KHDRBS2: variants seen among roughly 807,000 people sequenced by gnomAD.
The protein encoded by KHDRBS2 is KH RNA binding domain containing, signal transduction associated 2.
KHDRBS2 carries 26 observed loss-of-function variants against 44.3 expected under a neutral mutation model. The ratio of observed to expected loss-of-function variants is 0.59; its 90% CI spans 0.43 to 0.81. The LOEUF (loss-of-function observed/expected upper bound fraction) is 0.81. Among genes scored for constraint, KHDRBS2 ranks in the 40% least tolerant of loss-of-function variants. The pLI is 0.00. For missense variants in KHDRBS2, 476 were observed against 433.1 expected (o/e 1.10, Z -0.88); for synonymous variants, 194 against 151.1 (o/e 1.28, Z -2.08).
chr6:62,269,222 C>T (rs930240994), intron 1 of KHDRBS2, among the ~76,000 whole-genome samples: 1 of 151,806 alleles, frequency 6.6e-6, no homozygotes, highest in African/African-American at 2.4e-5. Flanking sequence ...ACACATAGGA[C>T]TAAGTATGAA....
chr6:61,781,199 ATTATATTAATCAT>A (rs1554205135), intron 6 of KHDRBS2, among the ~76,000 whole-genome samples: 1 of 152,114 alleles, frequency 6.6e-6, no homozygotes, highest in Non-Finnish European at 1.5e-5. Context: ...AAATGCCACA[ATTATATTAATCAT>A]TTTAAGACAG....
At chr6:61,716,271 AT>A (rs763596150) in intron 7 of KHDRBS2, among the ~76,000 whole-genome samples, 1 of 151,960 alleles carries the variant, frequency 6.6e-6, no homozygotes, top group African/African-American at 2.4e-5. Context: ...GCTATATATA[AT>A]ATGAGAAGAA....
At chr6:61,965,272 C>G (rs1351990271) in intron 4 of KHDRBS2, among the ~76,000 whole-genome samples, 1 of 151,972 alleles carries the variant, frequency 6.6e-6, no homozygotes, top group Non-Finnish European at 1.5e-5. Flanking sequence ...CTTTATGGGT[C>G]TGGAAGCTTC....
chr6:62,269,608 C>T (rs1839755588), intron 1 of KHDRBS2, among the ~76,000 whole-genome samples: 1 of 152,042 alleles, frequency 6.6e-6, no homozygotes, highest in Non-Finnish European at 1.5e-5. Context: ...GGAAATGCAA[C>T]AGCCAGAATT....
At chr6:61,627,833 A>G in the KHDRBS2 span, among the ~76,000 whole-genome samples, 2 of 152,084 alleles carry the variant, frequency 1.3e-5, no homozygotes, top group Non-Finnish European at 2.9e-5. Flanking sequence ...GTATTAATAT[A>G]ATTTCTTGAA....
intron 6 of KHDRBS2, among the ~76,000 whole-genome samples, chr6:61,869,621 G>C (rs1798301367): frequency 6.6e-6 from 1 of 152,176 alleles, no homozygotes; most frequent in South Asian, 2.1e-4. Context: ...CAGCGAGATT[G>C]ACGCAGAAGA....
intron 2 of KHDRBS2, among the ~76,000 whole-genome samples, chr6:62,054,985 CAG>C (rs1242387528): frequency 6.6e-6 from 1 of 151,888 alleles, no homozygotes; most frequent in Admixed American, 6.6e-5. Flanking sequence ...TACATCATAA[CAG>C]AAAAACTAAA....
intron 1 of KHDRBS2, among the ~76,000 whole-genome samples, chr6:62,205,157 T>C (rs1455498704): frequency 6.6e-6 from 1 of 152,090 alleles, no homozygotes; most frequent in Non-Finnish European, 1.5e-5. Flanking sequence ...TCAAAATACC[T>C]TGTGGGACCT....
At chr6:61,607,519 GCAAAA>G in the KHDRBS2 span, among the ~76,000 whole-genome samples, 17 of 23,320 alleles carry the variant, frequency 7.3e-4, no homozygotes, top group African/African-American at 1.7e-3. Flanking sequence ...TGAGTTCCAA[GCAAAA>G]AAAAAAAAAA....
intron 1 of KHDRBS2, among the ~76,000 whole-genome samples, chr6:62,203,169 A>G (rs1827320857): frequency 6.6e-6 from 1 of 152,088 alleles, no homozygotes; most frequent in Non-Finnish European, 1.5e-5. Flanking sequence ...TCTTGCAGGT[A>G]ATTTTAGGAT....
chr6:61,587,067 ATGAGTTGGGAAAAC>A, the KHDRBS2 span, among the ~76,000 whole-genome samples: 1 of 152,184 alleles, frequency 6.6e-6, no homozygotes, highest in South Asian at 2.1e-4. Context: ...TGATGCTGTC[ATGAGTTGGGAAAAC>A]TGAGAGCACT....
intron 5 of KHDRBS2, among the ~76,000 whole-genome samples, chr6:61,897,335 G>A (rs1158221453): frequency 6.6e-6 from 1 of 152,084 alleles, no homozygotes; most frequent in East Asian, 1.9e-4. Context: ...TGTCATGTGG[G>A]CAGTTCTAAG....
At chr6:61,991,460 C>T (rs1248004367) in intron 3 of KHDRBS2, among the ~76,000 whole-genome samples, 1 of 151,982 alleles carries the variant, frequency 6.6e-6, no homozygotes, top group African/African-American at 2.4e-5. Context: ...TGGAATAGGG[C>T]CCAGGAAGAA....
At chr6:62,151,682 C>T (rs775961368) in intron 2 of KHDRBS2, among the ~76,000 whole-genome samples, 14 of 152,024 alleles carry the variant, frequency 9.2e-5, no homozygotes, top group African/African-American at 1.5e-4. Flanking sequence ...AACTGAAGTC[C>T]TTATTAGCAC....
At chr6:61,608,232 T>A in the KHDRBS2 span, among the ~76,000 whole-genome samples, 5 of 151,714 alleles carry the variant, frequency 3.3e-5, no homozygotes, top group South Asian at 6.2e-4. Context: ...TCTGCTTGTT[T>A]TATATATATA....
intron 1 of KHDRBS2, among the ~76,000 whole-genome samples, chr6:62,249,310 A>C (rs1197083427): frequency 1.3e-5 from 2 of 152,078 alleles, no homozygotes; most frequent in African/African-American, 4.8e-5. Flanking sequence ...TCACCCTATA[A>C]GCTTCCCTCA....
At chr6:61,823,970 G>C (rs1790424635) in intron 6 of KHDRBS2, among the ~76,000 whole-genome samples, 2 of 152,034 alleles carry the variant, frequency 1.3e-5, no homozygotes, top group Middle Eastern at 6.8e-3. Context: ...TTTTAATTTG[G>C]TGACACAAAA....
At chr6:62,025,877 T>G (rs1204220416) in intron 3 of KHDRBS2, among the ~76,000 whole-genome samples, 1 of 152,132 alleles carries the variant, frequency 6.6e-6, no homozygotes, top group African/African-American at 2.4e-5. Flanking sequence ...GACATAAACT[T>G]TAATTACATC....
intron 3 of KHDRBS2, among the ~76,000 whole-genome samples, chr6:62,045,648 G>T (rs1787507992): frequency 6.6e-6 from 1 of 151,964 alleles, no homozygotes; most frequent in Non-Finnish European, 1.5e-5. Context: ...AATAATCAAT[G>T]CATGAACATA....
Sources: allele counts gnomAD v4.1 joint callset (sites outside exome capture counted in the v4.1 genomes callset), GRCh38; gene constraint gnomAD v4.1.1; transcripts MANE v1.5; gene names NCBI Gene and HGNC (gene_info 2026-07-23, HGNC 2026-07-21).